AFF2: variants seen among roughly 807,000 people sequenced by gnomAD.
The protein encoded by AFF2 is AF4/FMR2 family member 2.
A neutral mutation model predicts 76.9 loss-of-function variants in AFF2; 14 were observed. The ratio of observed to expected loss-of-function variants is 0.18; its 90% CI spans 0.12 to 0.28. The LOEUF (loss-of-function observed/expected upper bound fraction) is 0.28. Among genes scored for constraint, AFF2 ranks in the 10% least tolerant of loss-of-function variants. AFF2 has a pLI of 1.00. For missense variants in AFF2, 868 were observed against 1,001.1 expected, an observed-to-expected ratio of 0.87 and a Z score of 1.79; for synonymous variants, 398 against 366.7, an observed-to-expected ratio of 1.09 and a Z score of -0.98.
At chrX:148,727,332 A>G (rs1311275515) in intron 3 of AFF2, among the ~76,000 whole-genome samples, 1 of 111,819 alleles carries the variant, frequency 8.9e-6, no homozygotes, top group Non-Finnish European at 1.9e-5. Context: ...TTATAAAATG[A>G]CCCTCAGCAT....
chrX:148,880,500 A>G, intron 7 of AFF2, among the ~76,000 whole-genome samples: 1 of 111,847 alleles, frequency 8.9e-6, no homozygotes, highest in Non-Finnish European at 1.9e-5. Flanking sequence ...AAGAGGGACC[A>G]GAGTAAGACT....
At chrX:148,588,522 G>T (rs2053491334) in intron 1 of AFF2, among the ~76,000 whole-genome samples, 1 of 112,425 alleles carries the variant, frequency 8.9e-6, no homozygotes, top group Non-Finnish European at 1.9e-5. Flanking sequence ...GATTCAACTT[G>T]CAGAAACTAT....
intron 3 of AFF2, among the ~76,000 whole-genome samples, chrX:148,771,317 A>G (rs964859158): frequency 7.1e-5 from 8 of 112,267 alleles, no homozygotes; most frequent in Non-Finnish European, 3.8e-5. Flanking sequence ...AAGTGTATCT[A>G]GGAGTAACTA....
chrX:148,544,233 C>T (rs2052894151), intron 1 of AFF2, among the ~76,000 whole-genome samples: 1 of 112,481 alleles, frequency 8.9e-6, no homozygotes. Context: ...AAATACTCAC[C>T]GCTTAAATAT....
Position 148,514,741 on chromosome X carries a change from A to G in AFF2, c.47+13597A>G, listed in dbSNP as rs192244981. Among the ~76,000 whole-genome samples the G allele has an allele frequency of 2.9e-4, 32 of 111,915 alleles. No individual in the cohort carries two copies. In the East Asian group the frequency reaches 8.7e-3, roughly 30 times the overall value. ...TCTTTCACTATCTTTTAAATTCCTG[A>G]CATTTATTCATATAAACAGTTCAGT... On this transcript the variant is annotated intron_variant, in intron 1 of 20. Coordinates refer to ENST00000370460, the MANE Select transcript of AFF2 (RefSeq NM_002025.4).
At chrX:148,739,981 T>A (rs1365527213) in intron 3 of AFF2, among the ~76,000 whole-genome samples, 3 of 112,085 alleles carry the variant, frequency 2.7e-5, no homozygotes, top group African/African-American at 9.7e-5. Context: ...AGCGCCCCAA[T>A]CCCTTCTAGC....
At chrX:148,748,469 G>T (rs141001060) in intron 3 of AFF2, among the ~76,000 whole-genome samples, 25 of 111,837 alleles carry the variant, frequency 2.2e-4, no homozygotes, top group African/African-American at 6.5e-4. Context: ...CTTGGGCTGG[G>T]AGCTTAAATA....
intron 1 of AFF2, among the ~76,000 whole-genome samples, chrX:148,630,752 A>C (rs1318273010): frequency 1.8e-5 from 2 of 111,771 alleles, no homozygotes; most frequent in Admixed American, 9.5e-5. Context: ...CAGAGAATAC[A>C]TTCATCCCTG....
intron 7 of AFF2, among the ~76,000 whole-genome samples, chrX:148,848,867 A>G (rs1318230822): frequency 2.7e-5 from 3 of 111,516 alleles, no homozygotes; most frequent in South Asian, 3.8e-4. Flanking sequence ...GAGCTTGCCA[A>G]ATTTTCCTAA....
rs1557287270 is a variant in AFF2, at chrX:148,956,084, C to G, written c.2039C>G (p.Pro680Arg). Residue 680 changes from proline to arginine, a missense_variant, in exon 11 of 21, where the codon CCT (proline) becomes CGT (arginine). Pro to Arg is a moderately radical substitution (Grantham distance 103). Transcript: ENST00000370460. ...AAAGCCACTGCCCACAAACCAGCCC[C>G]TAGGAAAGAACCAAGACCTAACATC... Reference protein sequence around the residue: ...RNKATAHKPAPRKEPRPNIPL... With the variant: ...RNKATAHKPARRKEPRPNIPL... 8.3e-7 allele frequency: 1 copy of G among 1,210,984 alleles called. No homozygotes were observed. Among genetic ancestry groups the G allele is most frequent in the Admixed American group, 2.2e-5 (1 of 45,952 alleles).
At chrX:148,666,341 CT>C (rs1445546101) in intron 3 of AFF2, among the ~76,000 whole-genome samples, 6 of 111,436 alleles carry the variant, frequency 5.4e-5, no homozygotes, top group African/African-American at 2.0e-4. Context: ...AATCCCAGCA[CT>C]TTGGGAGGTT....
chrX:148,523,084 A>G (rs1310062212), intron 1 of AFF2, among the ~76,000 whole-genome samples: 2 of 112,182 alleles, frequency 1.8e-5, no homozygotes, highest in East Asian at 2.8e-4. Context: ...GGGGTGAGAT[A>G]TATGCATATA....
chrX:148,704,374 A>G (rs868993379), intron 3 of AFF2, among the ~76,000 whole-genome samples: 4 of 38,952 alleles, frequency 1.0e-4, no homozygotes, highest in Admixed American at 4.1e-4. Context: ...GTGTGTATAT[A>G]TATATTTATA....
chrX:148,692,333 T>C (rs2054662548), intron 3 of AFF2, among the ~76,000 whole-genome samples: 1 of 111,917 alleles, frequency 8.9e-6, no homozygotes, highest in Admixed American at 9.5e-5. Flanking sequence ...GATACATGAT[T>C]TTCCTCAAGA....
intron 1 of AFF2, among the ~76,000 whole-genome samples, chrX:148,630,021 C>T (rs185887690): frequency 8.9e-6 from 1 of 111,849 alleles, no homozygotes; most frequent in African/African-American, 3.2e-5. Flanking sequence ...GTCCACAGAA[C>T]AGCGTTGTGA....
rs1253318223 is a variant in AFF2 at position 148,998,793 on chromosome X, T to A, written c.*7461T>A. On this transcript the variant is annotated 3_prime_UTR_variant, in exon 21 of 21. Transcript: ENST00000370460. ...TTCTCCTTTTCCTTTTCCATTATTT[T>A]TCGATGGGGGGGTTGTTATCATTGA... 4 of 110,434 alleles carry A rather than the reference T, an allele frequency of 3.6e-5. No individual in the cohort carries two copies. Among genetic ancestry groups the A allele is most frequent in the Non-Finnish European group, 7.6e-5 (4 of 52,751 alleles). 9.1% of individuals were successfully genotyped at this position (110,434 alleles called of 1,213,427 possible). A position where few individuals can be genotyped will look rare whatever the true frequency, so the allele number is the denominator to read the frequency against.
intron 1 of AFF2, chrX:148,547,424 C>G (rs1380794257): frequency 3.6e-5 from 4 of 111,785 alleles, no homozygotes; most frequent in South Asian, 7.6e-4. Flanking sequence ...TTTGCAGATC[C>G]CTTTGTCTGG....
intron 3 of AFF2, among the ~76,000 whole-genome samples, chrX:148,732,127 A>G (rs2055227739): frequency 1.2e-5 from 1 of 85,999 alleles, no homozygotes; most frequent in East Asian, 3.0e-4. Context: ...ATGCACACAT[A>G]TGTTTACTGC....
intron 5 of AFF2, among the ~76,000 whole-genome samples, chrX:148,840,934 A>T (rs1603310689): frequency 8.9e-6 from 1 of 112,652 alleles, no homozygotes; most frequent in South Asian, 3.7e-4. Flanking sequence ...AAAATAAAGT[A>T]AAAAGAAGTG....
Sources: gnomAD v4.1 joint callset for allele counts (sites outside exome capture counted in the v4.1 genomes callset) on GRCh38, gnomAD v4.1.1 for gene constraint, MANE v1.5 for transcripts, NCBI Gene and HGNC (gene_info 2026-07-23, HGNC 2026-07-21) for gene names.